Variants in ZC3H12B observed in about 807,000 individuals in gnomAD.
ZC3H12B encodes zinc finger CCCH-type containing 12B.
Under a neutral mutation model 43.9 loss-of-function variants are expected in ZC3H12B, and 7 were observed. The observed-to-expected ratio is 0.16, with a 90% CI of 0.09 to 0.30. The LOEUF is 0.30. Among genes scored for constraint, ZC3H12B ranks in the 10% least tolerant of loss-of-function variants. ZC3H12B has a pLI of 1.00. For missense variants in ZC3H12B, 475 were observed against 670.2 expected, an observed-to-expected ratio of 0.71 and a Z score of 3.22; for synonymous variants, 222 against 241.7, an observed-to-expected ratio of 0.92 and a Z score of 0.76.
chrX:65,386,082 T>C (rs182118619), intron 2 of ZC3H12B, among the ~76,000 whole-genome samples: 1 of 112,334 alleles, frequency 8.9e-6, no homozygotes, highest in East Asian at 2.8e-4. Flanking sequence ...TTGATATTCA[T>C]CAGGGGTATT....
intron 1 of ZC3H12B, among the ~76,000 whole-genome samples, chrX:65,494,468 AAC>A (rs1278708725): frequency 9.0e-6 from 1 of 110,868 alleles, no homozygotes; most frequent in African/African-American, 3.3e-5. Flanking sequence ...AAAAAATTTA[AAC>A]ACAGAATTTG....
At chrX:65,295,136 T>C in the ZC3H12B span, among the ~76,000 whole-genome samples, 8 of 110,995 alleles carry the variant, frequency 7.2e-5, no homozygotes, top group Non-Finnish European at 1.3e-4. Context: ...TTTAAGAAAA[T>C]TGAAATGATA....
chrX:65,363,984 TACC>T (rs1213732033), upstream of ZC3H12B, among the ~76,000 whole-genome samples: 2 of 111,096 alleles, frequency 1.8e-5, no homozygotes, highest in Admixed American at 1.9e-4. Flanking sequence ...TTATTCCTGA[TACC>T]ACACCTGACC....
In ZC3H12B at chrX:65,398,711, C is replaced by T. The variant is rs953348087; in HGVS notation, n.407+7C>T. 2.7e-5 allele frequency: 3 copies of T among 111,965 alleles called. No homozygotes were observed. The highest frequency in any genetic ancestry group is 9.7e-5 in the African/African-American group (3 of 30,824). The allele number at this position is 111,965 out of a possible 1,213,427, so 9.2% of individuals were successfully genotyped here. On this transcript the variant is annotated splice_region_variant and intron_variant and non_coding_transcript_variant, in intron 3 of 5. Transcript: ENST00000617377. ...CTGTTAAGCCTGCAGAACTGTGAGT[C>T]AATTTAACCTTTTTTCTTTGTAAAT...
intron 2 of ZC3H12B, among the ~76,000 whole-genome samples, chrX:65,393,373 C>T (rs1372959898): frequency 1.8e-5 from 2 of 111,540 alleles, no homozygotes; most frequent in East Asian, 5.6e-4. Flanking sequence ...TGGTGGTTTG[C>T]TGCACCTTTC....
the ZC3H12B span, among the ~76,000 whole-genome samples, chrX:65,251,420 G>C: frequency 9.0e-6 from 1 of 111,551 alleles, no homozygotes; most frequent in Admixed American, 9.5e-5. Context: ...TGGCAATGCG[G>C]GCTCTTTCTT....
the ZC3H12B span, among the ~76,000 whole-genome samples, chrX:65,036,223 G>GA: frequency 9.0e-6 from 1 of 111,565 alleles, no homozygotes; most frequent in East Asian, 2.8e-4. Flanking sequence ...GTAAGTGGTT[G>GA]AAAAAACTTA....
At chrX:65,442,927 C>A (rs907188585) in intron 3 of ZC3H12B, among the ~76,000 whole-genome samples, 1 of 110,853 alleles carries the variant, frequency 9.0e-6, no homozygotes, top group Non-Finnish European at 1.9e-5. Context: ...TCGCTCGAGG[C>A]GCTGCTTGAA....
chrX:65,450,763 G>GTA (rs1442298910), intron 3 of ZC3H12B, among the ~76,000 whole-genome samples: 14 of 35,307 alleles, frequency 4.0e-4, no homozygotes, highest in East Asian at 8.6e-4. Flanking sequence ...GTGTATATAT[G>GTA]TATATGTATA....
rs934745062 is a variant in ZC3H12B, at chrX:65,477,380, C to T, written n.408-11266C>T. 8.6e-4 allele frequency among the ~76,000 whole-genome samples: 67 copies of T among 78,189 alleles called. No individual in the cohort carries two copies. The African/African-American group carries it at 0.03, about 35-fold the overall frequency. 67.9% of individuals were successfully genotyped at this position (78,189 alleles called of 115,157 possible). On this transcript the variant is annotated intron_variant and non_coding_transcript_variant, in intron 3 of 5. Coordinates refer to the ZC3H12B transcript ENST00000617377. ...CAAGCATTATACACACACACGTGCA[C>T]ACACACACACACACACAACAGGAGT... is the stretch of plus-strand genomic sequence containing the variant.
Position 65,437,236 on chromosome X carries a change from G to A in ZC3H12B, n.407+38532G>A, listed in dbSNP as rs376261371. 1.6e-3 allele frequency among the ~76,000 whole-genome samples: 175 copies of A among 111,528 alleles called. 6 individuals carry two copies. In the South Asian group the frequency reaches 0.064, roughly 41 times the overall value. On this transcript the variant is annotated intron_variant and non_coding_transcript_variant, in intron 3 of 5. Coordinates refer to the ZC3H12B transcript ENST00000617377. ...CAAAGTGCTGGGATTACAGGTGTGA[G>A]CCACCACATCCAACTCATTCTAATG... is the stretch of plus-strand genomic sequence containing the variant.
intron 3 of ZC3H12B, among the ~76,000 whole-genome samples, chrX:65,435,559 C>A (rs2067209321): frequency 9.1e-6 from 1 of 110,335 alleles, no homozygotes; most frequent in Admixed American, 9.8e-5. Context: ...ATTTACAAAA[C>A]TCATTCTTAA....
chrX:65,155,418 G>T, the ZC3H12B span, among the ~76,000 whole-genome samples: 1 of 111,496 alleles, frequency 9.0e-6, no homozygotes, highest in Non-Finnish European at 1.9e-5. Flanking sequence ...CTGCATTCCT[G>T]GGCTAAACCC....
At chrX:65,402,727 G>A (rs775046492) in intron 3 of ZC3H12B, among the ~76,000 whole-genome samples, 2 of 112,581 alleles carry the variant, frequency 1.8e-5, no homozygotes, top group Admixed American at 9.4e-5. Context: ...GACCATCAAG[G>A]TGCAACTTCT....
the ZC3H12B span, among the ~76,000 whole-genome samples, chrX:65,231,371 C>G: frequency 9.0e-6 from 1 of 111,343 alleles, no homozygotes; most frequent in East Asian, 2.8e-4. Context: ...AACATCTTAA[C>G]AGGAAACAGG....
chrX:65,171,104 A>T, the ZC3H12B span, among the ~76,000 whole-genome samples: 1 of 111,147 alleles, frequency 9.0e-6, no homozygotes, highest in Non-Finnish European at 1.9e-5. Context: ...GTTTTTTTGG[A>T]GGAGAAGAGG....
the ZC3H12B span, among the ~76,000 whole-genome samples, chrX:65,301,029 A>G: frequency 9.0e-6 from 1 of 111,438 alleles, no homozygotes; most frequent in East Asian, 2.8e-4. Flanking sequence ...AAGGACATGA[A>G]CAGACAATTC....
At chrX:65,346,922 C>A in the ZC3H12B span, among the ~76,000 whole-genome samples, 4 of 112,374 alleles carry the variant, frequency 3.6e-5, no homozygotes, top group South Asian at 7.4e-4. Context: ...AAGAGAGCAG[C>A]GGACCTCCCA....
chrX:65,501,697 C>T, intron 4 of ZC3H12B, 92 bp from the exon 10 acceptor site: 1 of 951,459 alleles, frequency 1.1e-6, no homozygotes. Context: ...ACAGTAAAAC[C>T]CTAACCTGAG....
Sources: gnomAD v4.1 joint callset for allele counts (sites outside exome capture counted in the v4.1 genomes callset) on GRCh38, gnomAD v4.1.1 for gene constraint, MANE v1.5 for transcripts, NCBI Gene and HGNC (gene_info 2026-07-23, HGNC 2026-07-21) for gene names.